APP: variants seen among roughly 807,000 people sequenced by gnomAD.
APP encodes the protein amyloid beta precursor protein, also known as amyloid-beta precursor protein.
A neutral mutation model predicts 101.4 loss-of-function variants in APP; 31 were observed. That is an observed-to-expected ratio of 0.31 (90% confidence interval 0.23 to 0.41). The LOEUF (loss-of-function observed/expected upper bound fraction) is 0.41, where lower values mean the gene tolerates loss of function less well. Ranked by LOEUF, APP falls within the 10% of genes least tolerant of loss-of-function variation. The pLI is 1.00. For synonymous variants in APP, 366 were observed against 364.4 expected (o/e 1.00, Z -0.05); for missense variants, 839 against 1,003.7 (o/e 0.84, Z 2.22).
At chr21:25,894,230 G>C (rs955637042) in intron 16 of APP, among the ~76,000 whole-genome samples, 1 of 152,162 alleles carries the variant, frequency 6.6e-6, no homozygotes, top group Non-Finnish European at 1.5e-5. Flanking sequence ...GATTACTGTT[G>C]TTTTCATGCC....
intron 5 of APP, among the ~76,000 whole-genome samples, chr21:26,043,710 T>C (rs1225556431): frequency 6.6e-6 from 1 of 152,244 alleles, no homozygotes; most frequent in Non-Finnish European, 1.5e-5. Context: ...CATCAGGTTG[T>C]ACAGGCCTCA....
chr21:26,080,046 C>A (rs1439821577), intron 3 of APP, among the ~76,000 whole-genome samples: 1 of 152,048 alleles, frequency 6.6e-6, no homozygotes, highest in East Asian at 1.9e-4. Context: ...ATCACTTGAA[C>A]CCGGGAGGCA....
chr21:26,121,979 T>A (rs1450162429), intron 1 of APP, among the ~76,000 whole-genome samples: 1 of 152,194 alleles, frequency 6.6e-6, no homozygotes, highest in East Asian at 1.9e-4. Flanking sequence ...GAAAACAAGA[T>A]TCCAGAAGAG....
At chr21:25,923,441 G>A (rs1255607227) in intron 13 of APP, among the ~76,000 whole-genome samples, 6 of 131,882 alleles carry the variant, frequency 4.5e-5, no homozygotes, top group Non-Finnish European at 9.5e-5. Context: ...GAGTGAACAG[G>A]CAACCTACAA....
intron 11 of APP, among the ~76,000 whole-genome samples, chr21:25,970,006 AAGAGAG>A (rs34800671): frequency 6.8e-6 from 1 of 146,624 alleles, no homozygotes; most frequent in South Asian, 2.2e-4. Context: ...GAAACAGAGA[AAGAGAG>A]AGAGAGAGAG....
At chr21:26,127,497 G>C (rs189369853) in intron 1 of APP, among the ~76,000 whole-genome samples, 1 of 152,262 alleles carries the variant, frequency 6.6e-6, no homozygotes, top group East Asian at 1.9e-4. Context: ...ATTATTGCTA[G>C]AAACCTCTCT....
chr21:26,066,761 C>A (rs2046471075), intron 3 of APP, among the ~76,000 whole-genome samples: 1 of 152,136 alleles, frequency 6.6e-6, no homozygotes, highest in Non-Finnish European at 1.5e-5. Context: ...AAGAGCCAAG[C>A]TGCTCCTGGT....
intron 8 of APP, among the ~76,000 whole-genome samples, chr21:25,983,233 A>G (rs1407024904): frequency 6.6e-6 from 1 of 152,232 alleles, no homozygotes; most frequent in Non-Finnish European, 1.5e-5. Flanking sequence ...CTATACAAGC[A>G]ATTTTCCAAA....
chr21:26,000,148 G>T lies in APP; in HGVS notation c.900C>A (p.Cys300Ter), dbSNP rs2043229973. 6.2e-7 allele frequency: 1 copy of T among 1,614,194 alleles called. No homozygotes were observed. The highest frequency in any genetic ancestry group is 8.5e-7 in the Non-Finnish European group (1 of 1,180,034). ...AGTACCAGCGGGAGATCATTGCTCG[G>T]CACGGCCCCGTCTCGGCTTGTTCAG... Reference protein sequence around the residue: ...VCSEQAETGPCRAMISRWYFD... With the variant: ...VCSEQAETGP The change falls in exon 7 of 18, where the codon TGC (cysteine) becomes TGA (stop). Residue 300 changes from cysteine to a stop codon, truncating the protein, a stop_gained. Transcript: ENST00000346798. LOFTEE classifies it high-confidence loss of function.
chr21:25,881,438 TTAA>T lies in APP; in HGVS notation c.*229_*231del. 1.7e-6 allele frequency: 1 copy of T among 585,488 alleles called. No individual in the cohort carries two copies. Among genetic ancestry groups the T allele is most frequent in the Non-Finnish European group, 3.0e-6 (1 of 328,262 alleles). 36.3% of individuals were successfully genotyped at this position (585,488 alleles called of 1,614,324 possible). On this transcript the variant is annotated 3_prime_UTR_variant, in exon 18 of 18. Coordinates refer to ENST00000346798, the MANE Select transcript of APP (RefSeq NM_000484.4). ...AATTCTTTACAGTACACAAAACCCA[TTAA>T]TAATGTAGTATAGAGACCAAAATGT... is the stretch of plus-strand genomic sequence containing the variant.
chr21:25,925,459 T>G (rs1300861131), intron 13 of APP, among the ~76,000 whole-genome samples: 1 of 152,166 alleles, frequency 6.6e-6, no homozygotes, highest in Non-Finnish European at 1.5e-5. Flanking sequence ...TTGTTAGACA[T>G]GCAGAACCTC....
intron 15 of APP, among the ~76,000 whole-genome samples, chr21:25,899,647 T>C (rs1477248099): frequency 6.6e-6 from 1 of 152,192 alleles, no homozygotes; most frequent in Non-Finnish European, 1.5e-5. Context: ...CAGATGACTT[T>C]AGCTCAGGCA....
In APP at chr21:26,144,107, A is replaced by AG. The variant is rs555330835; in HGVS notation, c.57+26456dup. 3.1e-4 allele frequency among the ~76,000 whole-genome samples: 47 copies of AG among 152,204 alleles called. No individual in the cohort carries two copies. The South Asian group carries it at 7.1e-3, about 23-fold the overall frequency. On this transcript the variant is annotated intron_variant, in intron 1 of 17. Coordinates refer to ENST00000346798, the MANE Select transcript of APP (RefSeq NM_000484.4). ...GCAGGAAGAAGAAGTGCCAAGCAAA[A>AG]GGGGGGAAAAGTCCCTTATAAAGTG...
chr21:25,927,041 C>T (rs948393304), intron 13 of APP, among the ~76,000 whole-genome samples: 13 of 148,124 alleles, frequency 8.8e-5, no homozygotes, highest in Non-Finnish European at 1.5e-4. Flanking sequence ...AAGCATAAAC[C>T]CATCTATCAT....
chr21:25,910,220 C>T (rs574996494), intron 14 of APP, among the ~76,000 whole-genome samples: 35 of 151,836 alleles, frequency 2.3e-4, no homozygotes, highest in East Asian at 1.7e-3. Context: ...GTCCGCCTCC[C>T]GGGTTCATGC....
chr21:26,043,783 T>TC (rs1555855152), intron 5 of APP, among the ~76,000 whole-genome samples: 1 of 67,094 alleles, frequency 1.5e-5, no homozygotes, highest in Non-Finnish European at 2.8e-5. Flanking sequence ...CATCAGGTCT[T>TC]GGACACAATT....
intron 3 of APP, among the ~76,000 whole-genome samples, chr21:26,062,247 A>G (rs1221308207): frequency 6.6e-6 from 1 of 151,332 alleles, no homozygotes; most frequent in Non-Finnish European, 1.5e-5. Flanking sequence ...ACACACACAC[A>G]CACACACACA....
At chr21:26,114,292 G>A (rs1328707151) in intron 1 of APP, among the ~76,000 whole-genome samples, 1 of 152,074 alleles carries the variant, frequency 6.6e-6, no homozygotes, top group African/African-American at 2.4e-5. Flanking sequence ...TCTCTCCCCA[G>A]GGTAGCCAGC....
chr21:26,097,996 C>T (rs1455151344), intron 2 of APP, among the ~76,000 whole-genome samples: 2 of 141,746 alleles, frequency 1.4e-5, no homozygotes, highest in Non-Finnish European at 3.0e-5. Context: ...AGGAGAATGG[C>T]GTGAACCTGG....
Sources: gnomAD v4.1 joint callset for allele counts (sites outside exome capture counted in the v4.1 genomes callset) on GRCh38, gnomAD v4.1.1 for gene constraint, MANE v1.5 for transcripts, NCBI Gene and HGNC (gene_info 2026-07-23, HGNC 2026-07-21) for gene names.